Variants in PARD3B observed in about 807,000 individuals in gnomAD.
PARD3B encodes the protein par-3 family cell polarity regulator beta, also known as partitioning defective 3 homolog B.
A neutral mutation model predicts 130.2 loss-of-function variants in PARD3B; 103 were observed. The ratio of observed to expected loss-of-function variants is 0.79; its 90% CI spans 0.67 to 0.93. The LOEUF (loss-of-function observed/expected upper bound fraction) is 0.93. Ranked by LOEUF, PARD3B falls within the 40% of genes least tolerant of loss-of-function variation. The pLI, the probability that PARD3B is intolerant of heterozygous loss-of-function variation, is 0.00. For missense variants in PARD3B, 1,609 were observed against 1,499.2 expected (o/e 1.07, Z -1.21); for synonymous variants, 583 against 553.2 (o/e 1.05, Z -0.76).
intron 21 of PARD3B, among the ~76,000 whole-genome samples, chr2:205,502,195 A>G (rs958716527): frequency 3.9e-5 from 6 of 152,170 alleles, no homozygotes; most frequent in South Asian, 4.1e-4. Flanking sequence ...GGCCTGAGAA[A>G]TTACACTGTT....
intron 16 of PARD3B, among the ~76,000 whole-genome samples, chr2:205,289,833 C>T (rs547384909): frequency 2.3e-4 from 35 of 152,312 alleles, no homozygotes; most frequent in African/African-American, 6.7e-4. Flanking sequence ...GCCCCCTCAA[C>T]GTGTGATGCC....
chr2:204,738,245 T>G (rs2039844413), intron 2 of PARD3B, among the ~76,000 whole-genome samples: 1 of 152,214 alleles, frequency 6.6e-6, no homozygotes, highest in Non-Finnish European at 1.5e-5. Context: ...GTGATTTCTT[T>G]TAGCAGTGTT....
chr2:205,343,827 C>T (rs987346510), intron 18 of PARD3B, among the ~76,000 whole-genome samples: 7 of 151,868 alleles, frequency 4.6e-5, no homozygotes, highest in African/African-American at 1.7e-4. Flanking sequence ...AACTAGTTCT[C>T]CTCCACCCTC....
intron 3 of PARD3B, 59 bp downstream of exon 3, chr2:204,965,382 T>C: frequency 2.7e-6 from 4 of 1,495,428 alleles, no homozygotes; most frequent in Non-Finnish European, 3.7e-6. Context: ...ATCTTGTTGA[T>C]TAGGCATTGT....
intron 3 of PARD3B, among the ~76,000 whole-genome samples, chr2:205,035,142 C>T (rs1420271564): frequency 1.3e-5 from 2 of 152,130 alleles, no homozygotes; most frequent in Admixed American, 1.3e-4. Flanking sequence ...GGATTACAGG[C>T]ATGAGCCATC....
intron 2 of PARD3B, among the ~76,000 whole-genome samples, chr2:204,789,210 C>T (rs1365443607): frequency 6.6e-6 from 1 of 152,098 alleles, no homozygotes; most frequent in Non-Finnish European, 1.5e-5. Flanking sequence ...GTGTGCACCA[C>T]CATGACTGGC....
In PARD3B at chr2:205,440,649, C is replaced by G; in HGVS notation, c.3021C>G (p.Tyr1007Ter). The G allele has an allele frequency of 6.2e-7, 1 of 1,613,620 alleles. No individual in the cohort carries two copies. The highest frequency in any genetic ancestry group is 1.1e-5 in the South Asian group (1 of 91,072). ...EGLYAKVNKP[Y>*]HPLVPADSGR... ...TCTATGCCAAGGTCAACAAGCCATA[C>G]CATCCACTGGTTCCAGCTGACAGGT... The change falls in exon 20 of 23, where the codon TAC (tyrosine) becomes TAG (stop). Residue 1007 changes from tyrosine (Y) to a stop codon, truncating the protein, a stop_gained. Transcript: ENST00000406610. LOFTEE classifies it high-confidence loss of function. The surrounding 1 kb of genome is among the most constrained non-coding windows in gnomAD (Gnocchi z 4.2).
chr2:204,616,693 A>G (rs555941147), intron 1 of PARD3B, among the ~76,000 whole-genome samples: 3 of 152,324 alleles, frequency 2.0e-5, no homozygotes, highest in East Asian at 1.9e-4. Flanking sequence ...TTTACTCATA[A>G]TGGCCAAAAC....
At chr2:204,963,808 A>G (rs1014969617) in intron 2 of PARD3B, among the ~76,000 whole-genome samples, 2 of 152,230 alleles carry the variant, frequency 1.3e-5, no homozygotes, top group Admixed American at 6.5e-5. Flanking sequence ...CTCAATTTCA[A>G]GAATTAAAAA....
At chr2:205,054,021 A>G (rs1699419359) in intron 4 of PARD3B, among the ~76,000 whole-genome samples, 1 of 152,050 alleles carries the variant, frequency 6.6e-6, no homozygotes, top group African/African-American at 2.4e-5. Flanking sequence ...TGGCTTTCAT[A>G]TGGCTTTGTT....
At chr2:204,866,424 T>C (rs1377984503) in intron 2 of PARD3B, among the ~76,000 whole-genome samples, 1 of 152,282 alleles carries the variant, frequency 6.6e-6, no homozygotes, top group East Asian at 1.9e-4. Flanking sequence ...TCCCGTTTCT[T>C]AAATTTCTCA....
intron 1 of PARD3B, among the ~76,000 whole-genome samples, chr2:204,558,475 C>A (rs953633808): frequency 2.9e-4 from 44 of 152,212 alleles, no homozygotes; most frequent in African/African-American, 9.9e-4. Context: ...CCTAGGAATC[C>A]CACTTACAAG....
In PARD3B at chr2:205,102,717, A is replaced by G. The variant is rs1356183933; in HGVS notation, c.505-1709A>G. Reference sequence around the variant, plus strand: ...TCTAAAAGTGAGAGACATTTTTTTTAACTCATTTCACTACAACAAAGTGCT... The same window carrying G: ...TCTAAAAGTGAGAGACATTTTTTTTGACTCATTTCACTACAACAAAGTGCT... On this transcript the variant is annotated intron_variant, in intron 4 of 22. Coordinates refer to ENST00000406610, the MANE Select transcript of PARD3B (RefSeq NM_001302769.2). Among the ~76,000 whole-genome samples, 4 of 152,224 alleles carry G rather than the reference A, an allele frequency of 2.6e-5. No individual in the cohort carries two copies. The East Asian group carries it at 7.7e-4, about 29-fold the overall frequency.
At chr2:205,492,577 C>T (rs74424556) in intron 20 of PARD3B, among the ~76,000 whole-genome samples, 12 of 152,024 alleles carry the variant, frequency 7.9e-5, no homozygotes, top group South Asian at 2.1e-4. Context: ...CAAAGTTGTC[C>T]ATGGATAGTC....
chr2:205,012,526 A>G (rs559001321), intron 3 of PARD3B, among the ~76,000 whole-genome samples: 3 of 152,284 alleles, frequency 2.0e-5, no homozygotes, highest in African/African-American at 7.2e-5. Flanking sequence ...TAGAATGTAG[A>G]TTTATAAGAA....
chr2:205,170,403 A>T (rs2035088429), intron 11 of PARD3B, among the ~76,000 whole-genome samples: 1 of 152,166 alleles, frequency 6.6e-6, no homozygotes, highest in African/African-American at 2.4e-5. Flanking sequence ...AAGGCAGGGG[A>T]CATTAAGCTC....
rs532548581 is a variant in PARD3B at position 205,367,398 on chromosome 2, A to G, written c.2631-33615A>G. ...GAAGGAAATAGGTTTAAACTAAAGC[A>G]TGCAGGATTTAAGTTAGATAAAAGA... is the stretch of plus-strand genomic sequence containing the variant. On this transcript the variant is annotated intron_variant, in intron 18 of 22. Transcript: ENST00000406610. Among the ~76,000 whole-genome samples the G allele has an allele frequency of 1.5e-4, 23 of 152,306 alleles. 1 individual carries two copies. Among genetic ancestry groups the G allele is most frequent in the African/African-American group, 5.3e-4 (22 of 41,570 alleles).
At chr2:204,938,744 G>T (rs1688660924) in intron 2 of PARD3B, among the ~76,000 whole-genome samples, 1 of 152,176 alleles carries the variant, frequency 6.6e-6, no homozygotes. Context: ...ACATTCTTCA[G>T]ATGATTCTGT....
In PARD3B at chr2:205,082,602, T is replaced by C. The variant is rs541156245; in HGVS notation, c.505-21824T>C. 3.0e-4 allele frequency among the ~76,000 whole-genome samples: 45 copies of C among 152,298 alleles called. 1 individual carries two copies. The South Asian group carries it at 7.9e-3, about 27-fold the overall frequency. On this transcript the variant is annotated intron_variant, in intron 4 of 22. Coordinates refer to ENST00000406610, the MANE Select transcript of PARD3B (RefSeq NM_001302769.2). ...TTCTCTCTCATTCTGCCTAGGTGTT[T>C]GTTAATTTTTTTCATCTTTTCAAAA...
Sources: allele counts gnomAD v4.1 joint callset (sites outside exome capture counted in the v4.1 genomes callset), GRCh38; gene constraint gnomAD v4.1.1; non-coding constraint Gnocchi (gnomAD v3.1); transcripts MANE v1.5; gene names NCBI Gene and HGNC (gene_info 2026-07-23, HGNC 2026-07-21).